Variants in PRDM16 observed in about 807,000 individuals in gnomAD.
PRDM16 encodes the protein histone-lysine N-methyltransferase PRDM16.
Under a neutral mutation model 110.6 loss-of-function variants are expected in PRDM16, and 23 were observed. The ratio of observed to expected loss-of-function variants is 0.21; its 90% CI spans 0.15 to 0.29. PRDM16 has a LOEUF of 0.29. Ranked by LOEUF, PRDM16 falls within the 10% of genes least tolerant of loss-of-function variation. The probability of loss-of-function intolerance (pLI) is 1.00; values close to 1 mark genes in which losing one functional copy is unlikely to be tolerated. For missense variants in PRDM16, 1,615 were observed against 1,794.3 expected (o/e 0.90, Z 1.81); for synonymous variants, 799 against 781.8 (o/e 1.02, Z -0.37).
At chr1:3,090,996 A>G (rs1056177606) in intron 1 of PRDM16, among the ~76,000 whole-genome samples, 2 of 150,990 alleles carry the variant, frequency 1.3e-5, no homozygotes. Flanking sequence ...CTGGCTCAGG[A>G]AAGTCACGTT....
At chr1:3,329,669 T>C (rs1306478215) in intron 3 of PRDM16, among the ~76,000 whole-genome samples, 1 of 152,146 alleles carries the variant, frequency 6.6e-6, no homozygotes, top group East Asian at 1.9e-4. Context: ...CACACCCCTC[T>C]CTTCCAGCTG....
intron 3 of PRDM16, among the ~76,000 whole-genome samples, chr1:3,323,932 G>A (rs1425316602): frequency 6.6e-6 from 1 of 152,238 alleles, no homozygotes; most frequent in Admixed American, 6.5e-5. Flanking sequence ...GCGGGCAGCG[G>A]ACGGGGCTGG....
At chr1:3,267,420 C>T (rs189208041) in intron 3 of PRDM16, among the ~76,000 whole-genome samples, 3 of 152,312 alleles carry the variant, frequency 2.0e-5, no homozygotes, top group African/African-American at 7.2e-5. Context: ...CGTCCCTGAC[C>T]GGAGGACGTG....
chr1:3,125,020 C>T (rs1318772559), intron 1 of PRDM16, among the ~76,000 whole-genome samples: 1 of 152,238 alleles, frequency 6.6e-6, no homozygotes, highest in Non-Finnish European at 1.5e-5. Flanking sequence ...CCCCCTGGGG[C>T]TCTCTGGGCT....
chr1:3,184,649 C>T (rs954211133), intron 1 of PRDM16, among the ~76,000 whole-genome samples: 3 of 152,170 alleles, frequency 2.0e-5, no homozygotes, highest in African/African-American at 2.4e-5. Flanking sequence ...CCCAGCAGTG[C>T]GACCACCCCC....
intron 1 of PRDM16, among the ~76,000 whole-genome samples, chr1:3,145,895 G>A (rs1194160415): frequency 6.6e-6 from 1 of 152,228 alleles, no homozygotes; most frequent in East Asian, 1.9e-4. Context: ...AGCCCGGTCA[G>A]CCCGGGGTCA....
In PRDM16 at chr1:3,358,902, G is replaced by A. The variant is rs1163955872; in HGVS notation, c.439-26250G>A. Among the ~76,000 whole-genome samples the A allele has an allele frequency of 1.3e-5, 2 of 152,188 alleles. No homozygotes were observed. Among genetic ancestry groups the A allele is most frequent in the Non-Finnish European group, 2.9e-5 (2 of 68,032 alleles). On this transcript the variant is annotated intron_variant, in intron 3 of 16. Coordinates refer to ENST00000270722, the MANE Select transcript of PRDM16 (RefSeq NM_022114.4). The surrounding 1 kb of genome is among the most constrained non-coding windows in gnomAD (Gnocchi z 4.0). Reference sequence around the variant, plus strand: ...GGGCCGCAGAGGAGGTGGGGAAGCCGTGAAGATGTTCTCCATGGCCGGCTC... The same window carrying A: ...GGGCCGCAGAGGAGGTGGGGAAGCCATGAAGATGTTCTCCATGGCCGGCTC...
At chr1:3,285,733 A>G (rs1435849129) in intron 3 of PRDM16, among the ~76,000 whole-genome samples, 1 of 152,060 alleles carries the variant, frequency 6.6e-6, no homozygotes, top group African/African-American at 2.4e-5. Flanking sequence ...GCTTCTCCAG[A>G]TGCCAGCCTT....
chr1:3,155,845 G>T (rs1643851765), intron 1 of PRDM16, among the ~76,000 whole-genome samples: 2 of 152,232 alleles, frequency 1.3e-5, no homozygotes, highest in African/African-American at 2.4e-5. Flanking sequence ...CTCCAGAGCA[G>T]CAGGCACCCC....
At chr1:3,100,070 G>A (rs977210706) in intron 1 of PRDM16, among the ~76,000 whole-genome samples, 1 of 152,164 alleles carries the variant, frequency 6.6e-6, no homozygotes, top group African/African-American at 2.4e-5. Flanking sequence ...GCGTGGAGAG[G>A]CCCGGCACTG....
intron 3 of PRDM16, among the ~76,000 whole-genome samples, chr1:3,252,908 AAAG>A (rs1639966095): frequency 6.6e-6 from 1 of 152,090 alleles, no homozygotes; most frequent in South Asian, 2.1e-4. Context: ...GTCATGCAGG[AAAG>A]AAGGAGAAAG....
At chr1:3,416,928 T>C (rs1638280657) in intron 10 of PRDM16, among the ~76,000 whole-genome samples, 1 of 152,174 alleles carries the variant, frequency 6.6e-6, no homozygotes, top group Admixed American at 6.5e-5. Flanking sequence ...CCCATCTCCT[T>C]CTCCACTGAG....
intron 3 of PRDM16, among the ~76,000 whole-genome samples, chr1:3,264,044 A>G (rs1320496481): frequency 6.6e-6 from 1 of 152,180 alleles, no homozygotes; most frequent in Non-Finnish European, 1.5e-5. Context: ...GCCATCTTCC[A>G]CAAGCTTAGG....
At chr1:3,284,929 T>C (rs1333117881) in intron 3 of PRDM16, among the ~76,000 whole-genome samples, 1 of 152,204 alleles carries the variant, frequency 6.6e-6, no homozygotes, top group African/African-American at 2.4e-5. Context: ...CGCTGGCCCT[T>C]CCTGGGCTGT....
intron 2 of PRDM16, among the ~76,000 whole-genome samples, chr1:3,199,983 G>A (rs1037809664): frequency 1.4e-4 from 22 of 152,252 alleles, no homozygotes; most frequent in Admixed American, 9.2e-4. Context: ...GAGGCTACAG[G>A]CCTCCCAGGG....
chr1:3,327,665 G>A (rs546976808), intron 3 of PRDM16, among the ~76,000 whole-genome samples: 80 of 131,950 alleles, frequency 6.1e-4, no homozygotes, highest in Non-Finnish European at 1.0e-3. Flanking sequence ...GGCAGGGATG[G>A]GCACAGTGGA....
At chr1:3,147,040 G>C (rs1399377970) in intron 1 of PRDM16, among the ~76,000 whole-genome samples, 2 of 143,282 alleles carry the variant, frequency 1.4e-5, no homozygotes, top group Non-Finnish European at 1.5e-5. Flanking sequence ...TCGGTGTGGG[G>C]TGTGTGTGCA....
At chr1:3,288,131 A>T (rs1239121305) in intron 3 of PRDM16, among the ~76,000 whole-genome samples, 1 of 152,208 alleles carries the variant, frequency 6.6e-6, no homozygotes, top group Non-Finnish European at 1.5e-5. Flanking sequence ...CGCATGACAA[A>T]CAGAGTGCCC....
At chr1:3,404,226 C>A (rs767024866) in intron 6 of PRDM16, among the ~76,000 whole-genome samples, 4 of 152,230 alleles carry the variant, frequency 2.6e-5, no homozygotes, top group Non-Finnish European at 5.9e-5. Context: ...CCAAGTGCAG[C>A]GGCCCCTCCG....
Sources: gnomAD v4.1 joint callset for allele counts (sites outside exome capture counted in the v4.1 genomes callset) on GRCh38, gnomAD v4.1.1 for gene constraint, Gnocchi (gnomAD v3.1) non-coding constraint, MANE v1.5 for transcripts, NCBI Gene and HGNC (gene_info 2026-07-23, HGNC 2026-07-21) for gene names.